Variants in CUL1 observed in about 807,000 individuals in gnomAD.
CUL1 encodes cullin-1.
Under a neutral mutation model 118.0 loss-of-function variants are expected in CUL1, and 24 were observed. The ratio of observed to expected loss-of-function variants is 0.20; its 90% CI spans 0.15 to 0.29. The LOEUF (loss-of-function observed/expected upper bound fraction) is 0.29. CUL1 is among the 10% of genes least tolerant of loss of function. CUL1 has a pLI of 1.00. For missense variants in CUL1, 361 were observed against 933.8 expected (o/e 0.39, Z 7.99); for synonymous variants, 332 against 340.4 (o/e 0.98, Z 0.27).
At chr7:148,793,176 AACAC>A (rs932656510) in intron 17 of CUL1, among the ~76,000 whole-genome samples, 2 of 151,952 alleles carry the variant, frequency 1.3e-5, no homozygotes, top group Non-Finnish European at 2.9e-5. Context: ...AACTACGTGT[AACAC>A]ACACACACAT....
intron 1 of CUL1, among the ~76,000 whole-genome samples, chr7:148,728,067 G>A (rs1798643766): frequency 6.6e-6 from 1 of 152,068 alleles, no homozygotes; most frequent in South Asian, 2.1e-4. Flanking sequence ...GTAAGAGATG[G>A]CGAGGATGAT....
At chr7:148,743,291 C>T (rs773934846) in intron 2 of CUL1, among the ~76,000 whole-genome samples, 10 of 152,142 alleles carry the variant, frequency 6.6e-5, no homozygotes, top group Non-Finnish European at 1.0e-4. Flanking sequence ...GATCAGCTTG[C>T]GGGAGATGAT....
At chr7:148,776,175 A>C in intron 9 of CUL1, among the ~76,000 whole-genome samples, 1 of 80,052 alleles carries the variant, frequency 1.2e-5, no homozygotes, top group Non-Finnish European at 2.7e-5. Flanking sequence ...TACTGCAGGA[A>C]GACCCCCCTC....
intron 2 of CUL1, among the ~76,000 whole-genome samples, chr7:148,745,317 A>G (rs1222653120): frequency 1.3e-5 from 2 of 152,108 alleles, no homozygotes; most frequent in Non-Finnish European, 2.9e-5. Flanking sequence ...CCTAATTCCA[A>G]CATTTGGGTC....
At chr7:148,756,962 C>T in intron 3 of CUL1, 21 bp from the exon 4 acceptor site, 1 of 1,540,506 alleles carries the variant, frequency 6.5e-7, no homozygotes, top group Non-Finnish European at 8.8e-7. Context: ...CATCTTAAAG[C>T]TTTAGTTAAC....
chr7:148,708,393 T>C (rs1016091210), intron 1 of CUL1, among the ~76,000 whole-genome samples: 1 of 152,244 alleles, frequency 6.6e-6, no homozygotes, highest in East Asian at 1.9e-4. Flanking sequence ...TTCAGTGATC[T>C]ACCAAATCTT....
At chr7:148,704,693 A>G (rs1797828342) in intron 1 of CUL1, among the ~76,000 whole-genome samples, 1 of 152,242 alleles carries the variant, frequency 6.6e-6, no homozygotes, top group South Asian at 2.1e-4. Flanking sequence ...TATGTAAGTA[A>G]TAGCTAAACT....
chr7:148,782,760 G>T (rs1301590536), intron 9 of CUL1, among the ~76,000 whole-genome samples: 1 of 152,186 alleles, frequency 6.6e-6, no homozygotes, highest in Non-Finnish European at 1.5e-5. Context: ...TATAAAAAAT[G>T]CAGAATAGGT....
Position 148,706,134 on chromosome 7 carries a change from C to CTATA in CUL1, c.-162+7107_-162+7110dup, listed in dbSNP as rs569722699. Among the ~76,000 whole-genome samples the CTATA allele has an allele frequency of 1.4e-3, 214 of 152,280 alleles. 1 individual carries two copies. Among genetic ancestry groups the CTATA allele is most frequent in the African/African-American group, 5.0e-3 (206 of 41,538 alleles). ...TACCTTCAGGCTGTGTGTATAAGGT[C>CTATA]TATATGAAACATGTGAATTCCCCGT... On this transcript the variant is annotated intron_variant, in intron 1 of 21. Transcript: ENST00000325222.
intron 1 of CUL1, among the ~76,000 whole-genome samples, chr7:148,722,363 C>T (rs924570106): frequency 3.3e-5 from 5 of 152,202 alleles, no homozygotes; most frequent in Non-Finnish European, 7.3e-5. Flanking sequence ...CACCTCAGTT[C>T]TTGGACCTCT....
chr7:148,798,768 A>G (rs67248614), intron 20 of CUL1, 91 bp downstream of exon 20: 67,753 of 1,023,388 alleles, frequency 0.066, 2,650 homozygotes, highest in Middle Eastern at 0.11. Context: ...CGGGGGTGAC[A>G]AAGGAGTGAT....
rs775708165 is a variant in CUL1, at chr7:148,792,737, C to T, written c.1818C>T (p.Phe606=). The change falls in exon 17 of 22, where the codon TTC becomes TTT. Residue 606 remains phenylalanine (F), a synonymous_variant. Transcript: ENST00000325222. The part of the protein sequence containing the change: ...KNRYTLQAST[F]QMAILLQYNT... ...GGGGGGCCGCAAAGGCGTCGACATT[C>T]CAGATGGCTATCCTGCTTCAGTACA... The T allele has an allele frequency of 6.2e-7, 1 of 1,611,494 alleles. No homozygotes were observed. The highest frequency in any genetic ancestry group is 8.5e-7 in the Non-Finnish European group (1 of 1,178,872).
chr7:148,782,988 C>T (rs945188774), intron 9 of CUL1, among the ~76,000 whole-genome samples: 8 of 152,102 alleles, frequency 5.3e-5, no homozygotes, highest in African/African-American at 1.9e-4. Context: ...ACAGTTTCTA[C>T]GTCTGTAGAA....
intron 2 of CUL1, among the ~76,000 whole-genome samples, chr7:148,744,363 G>A (rs1222702005): frequency 6.8e-6 from 1 of 147,154 alleles, no homozygotes; most frequent in Admixed American, 6.7e-5. Flanking sequence ...TTTTTTTATA[G>A]TTCCTTTTTA....
intron 4 of CUL1, among the ~76,000 whole-genome samples, chr7:148,758,358 A>G (rs1351443287): frequency 6.6e-6 from 1 of 152,236 alleles, no homozygotes; most frequent in Non-Finnish European, 1.5e-5. Context: ...ACTTTTGACA[A>G]ATTTAAAAGA....
intron 2 of CUL1, among the ~76,000 whole-genome samples, chr7:148,745,522 G>A (rs980681571): frequency 1.3e-5 from 2 of 152,068 alleles, no homozygotes; most frequent in African/African-American, 4.8e-5. Flanking sequence ...AGAGTTTATC[G>A]TTATTTGCCA....
Position 148,800,946 on chromosome 7 carries a change from C to A in CUL1, c.*364C>A, listed in dbSNP as rs761033669. On this transcript the variant is annotated 3_prime_UTR_variant, in exon 22 of 22. Coordinates refer to ENST00000325222, the MANE Select transcript of CUL1 (RefSeq NM_003592.3). This position sits in a 1 kb window ranked among gnomAD's most constrained non-coding sequence, Gnocchi z 4.6. ...CACTTTGAGAGCAAGTCTGAGTGGA[C>A]CCACATGTAACCTGCTATGAAAACC... 1 of 185,406 alleles carries A rather than the reference C, an allele frequency of 5.4e-6. No individual in the cohort carries two copies. The highest frequency in any genetic ancestry group is 2.4e-5 in the African/African-American group (1 of 42,542). 11.5% of individuals were successfully genotyped at this position (185,406 alleles called of 1,614,324 possible). A position where few individuals can be genotyped will look rare whatever the true frequency, so the allele number is the denominator to read the frequency against.
At chr7:148,725,286 C>T (rs73745349) in intron 1 of CUL1, among the ~76,000 whole-genome samples, 6,878 of 151,798 alleles carry the variant, frequency 0.045, 563 homozygotes, top group African/African-American at 0.16. Flanking sequence ...ATTGCCTGAG[C>T]CTCTTGTATC....
At chr7:148,747,441 C>T (rs2129460127) in intron 2 of CUL1, among the ~76,000 whole-genome samples, 1 of 152,208 alleles carries the variant, frequency 6.6e-6, no homozygotes, top group Non-Finnish European at 1.5e-5. Flanking sequence ...CTCTGTGTGG[C>T]AGCATAAGGA....
Sources: gnomAD v4.1 joint callset for allele counts (sites outside exome capture counted in the v4.1 genomes callset) on GRCh38, gnomAD v4.1.1 for gene constraint, Gnocchi (gnomAD v3.1) non-coding constraint, MANE v1.5 for transcripts, NCBI Gene and HGNC (gene_info 2026-07-23, HGNC 2026-07-21) for gene names.